FRAS1: variants seen among roughly 807,000 people sequenced by gnomAD.
FRAS1 encodes Fraser extracellular matrix complex subunit 1.
Under a neutral mutation model 435.2 loss-of-function variants are expected in FRAS1, and 290 were observed. The observed-to-expected ratio is 0.67, with a 90% CI of 0.61 to 0.73. The LOEUF is 0.73. FRAS1 is among the 30% of genes least tolerant of loss of function. The probability of loss-of-function intolerance (pLI) is 0.00; values close to 1 mark genes in which losing one functional copy is unlikely to be tolerated. For synonymous variants in FRAS1, 1,800 were observed against 1,851.0 expected (o/e 0.97, Z 0.71); for missense variants, 4,860 against 5,001.5 (o/e 0.97, Z 0.85).
chr4:78,526,690 T>G, intron 70 of FRAS1, 33 bp downstream of exon 70: 1 of 1,328,220 alleles, frequency 7.5e-7, no homozygotes, highest in East Asian at 2.6e-5. Flanking sequence ...CATTATTTGT[T>G]GATTCCTTAT....
chr4:78,333,144 T>A (rs1388645708), intron 18 of FRAS1, 128 bp from the exon 19 acceptor site: 2 of 1,046,772 alleles, frequency 1.9e-6, no homozygotes, highest in Admixed American at 3.6e-5. Context: ...GTGCAGCCTG[T>A]CATTGGGAAA....
chr4:78,271,441 T>C (rs1349401444), intron 9 of FRAS1, among the ~76,000 whole-genome samples: 1 of 152,266 alleles, frequency 6.6e-6, no homozygotes, highest in South Asian at 2.1e-4. Flanking sequence ...ATTAGGTATA[T>C]CTCCTAATGC....
chr4:78,439,682 A>G (rs1578325295), intron 40 of FRAS1, among the ~76,000 whole-genome samples: 1 of 151,886 alleles, frequency 6.6e-6, no homozygotes, highest in South Asian at 2.1e-4. Context: ...TTTTTAAGAG[A>G]GGAGGTTTCA....
intron 2 of FRAS1, among the ~76,000 whole-genome samples, chr4:78,228,430 AC>A (rs1724364212): frequency 6.6e-6 from 1 of 152,238 alleles, no homozygotes; most frequent in Non-Finnish European, 1.5e-5. Context: ...TTATGTTAGA[AC>A]AAGTGGAAAA....
chr4:78,103,433 A>G (rs879410911), intron 2 of FRAS1, among the ~76,000 whole-genome samples: 1 of 152,004 alleles, frequency 6.6e-6, no homozygotes, highest in Non-Finnish European at 1.5e-5. Context: ...TCCTCCTCAG[A>G]GGTGGGGTGT....
At chr4:78,419,844 G>A (rs929706214) in intron 33 of FRAS1, among the ~76,000 whole-genome samples, 7 of 152,110 alleles carry the variant, frequency 4.6e-5, no homozygotes, top group South Asian at 2.1e-4. Context: ...GGAGGAAAGC[G>A]GGTGGGGGAG....
chr4:78,088,213 C>G (rs1338606779), intron 2 of FRAS1, among the ~76,000 whole-genome samples: 1 of 152,178 alleles, frequency 6.6e-6, no homozygotes, highest in Non-Finnish European at 1.5e-5. Flanking sequence ...GCTGGGAAAA[C>G]TGGCTAGCCA....
At chr4:78,219,892 C>T (rs1291785963) in intron 2 of FRAS1, among the ~76,000 whole-genome samples, 2 of 152,090 alleles carry the variant, frequency 1.3e-5, no homozygotes, top group African/African-American at 2.4e-5. Flanking sequence ...AGTACTAATA[C>T]TTTTCTTTTC....
intron 35 of FRAS1, among the ~76,000 whole-genome samples, chr4:78,428,296 G>A (rs1326288976): frequency 1.3e-5 from 2 of 151,788 alleles, no homozygotes; most frequent in Non-Finnish European, 2.9e-5. Flanking sequence ...AGAGACATTG[G>A]TATGGGTATT....
chr4:78,354,027 A>AT lies in FRAS1; in HGVS notation c.2423-9486_2423-9485insT, dbSNP rs1416120417. Among the ~76,000 whole-genome samples, 194 of 148,498 alleles carry AT rather than the reference A, an allele frequency of 1.3e-3. 42 individuals are homozygous for AT. The highest frequency in any genetic ancestry group is 2.3e-3 in the Non-Finnish European group (155 of 66,848). On this transcript the variant is annotated intron_variant, in intron 20 of 73. Transcript: ENST00000512123. ...AAAATTAAAAAAAAAATAAAATAAA[A>AT]AAAAAAAAAAAAAAAAAGCTTCAAG...
At chr4:78,267,122 G>A in intron 8 of FRAS1, 119 bp from the exon 9 acceptor site, 4 of 1,058,524 alleles carry the variant, frequency 3.8e-6, no homozygotes, top group Non-Finnish European at 5.6e-6. Flanking sequence ...GCCCATCGTG[G>A]GTCGGGCCAG....
chr4:78,437,111 G>A (rs1734460875), intron 38 of FRAS1, among the ~76,000 whole-genome samples: 1 of 152,098 alleles, frequency 6.6e-6, no homozygotes, highest in African/African-American at 2.4e-5. Flanking sequence ...CAGGAAAAAA[G>A]TCTAGCTGAT....
intron 23 of FRAS1, 143 bp from the exon 24 acceptor site, chr4:78,372,575 C>T (rs1039486665): frequency 3.8e-5 from 36 of 956,942 alleles, no homozygotes; most frequent in Admixed American, 3.7e-4. Flanking sequence ...CAAGTGGAAA[C>T]CTCATTTGAG....
At chr4:78,181,237 T>G (rs1721986695) in intron 2 of FRAS1, 1 of 1,610,050 alleles carries the variant, frequency 6.2e-7, no homozygotes, top group Admixed American at 1.7e-5. Context: ...TCATCTCTTT[T>G]GGACCCTCCT....
At chr4:78,497,845 A>G (rs1048770430) in intron 60 of FRAS1, among the ~76,000 whole-genome samples, 1 of 152,204 alleles carries the variant, frequency 6.6e-6, no homozygotes, top group Admixed American at 6.5e-5. Flanking sequence ...ATAAAATAAG[A>G]AACTCCAGCC....
At chr4:78,061,776 G>A (rs2109841740) in intron 1 of FRAS1, among the ~76,000 whole-genome samples, 1 of 152,234 alleles carries the variant, frequency 6.6e-6, no homozygotes, top group Admixed American at 6.5e-5. Flanking sequence ...ATGTCCAGTA[G>A]GTGGGTACAG....
chr4:78,217,509 G>A (rs1336623828), intron 2 of FRAS1, among the ~76,000 whole-genome samples: 3 of 152,162 alleles, frequency 2.0e-5, no homozygotes, highest in Non-Finnish European at 2.9e-5. Context: ...AGAGGTGTCA[G>A]AGGAGCCCAA....
chr4:78,338,073 G>A (rs1463705808), intron 20 of FRAS1: 9 of 439,962 alleles, frequency 2.0e-5, no homozygotes, highest in South Asian at 1.9e-4. Flanking sequence ...ATGAAGTGAT[G>A]ATAATAGCAC....
intron 2 of FRAS1, among the ~76,000 whole-genome samples, chr4:78,222,099 A>T (rs916658228): frequency 6.6e-6 from 1 of 152,040 alleles, no homozygotes; most frequent in Non-Finnish European, 1.5e-5. Context: ...GCCCTGGTTC[A>T]ATCTGGACTA....
Sources: gnomAD v4.1 joint callset for allele counts (sites outside exome capture counted in the v4.1 genomes callset) on GRCh38, gnomAD v4.1.1 for gene constraint, MANE v1.5 for transcripts, NCBI Gene and HGNC (gene_info 2026-07-23, HGNC 2026-07-21) for gene names.